Variants in C22orf15 observed in about 807,000 individuals in gnomAD.
C22orf15 encodes uncharacterized protein C22orf15.
C22orf15 carries 21 observed loss-of-function variants against 20.3 expected under a neutral mutation model. The observed-to-expected ratio is 1.04, with a 90% CI of 0.74 to 1.49. C22orf15 has a LOEUF of 1.49. Among genes scored for constraint, C22orf15 ranks in the 40% most tolerant of loss-of-function variants. The pLI is 0.00. For missense variants in C22orf15, 170 were observed against 191.1 expected, an observed-to-expected ratio of 0.89 and a Z score of 0.65; for synonymous variants, 78 against 75.4, an observed-to-expected ratio of 1.03 and a Z score of -0.18.
In C22orf15 at chr22:23,764,300, C is replaced by T; in HGVS notation, c.153C>T (p.Ser51=). The T allele has an allele frequency of 6.4e-7, 1 of 1,551,636 alleles. No homozygotes were observed. Among genetic ancestry groups the T allele is most frequent in the Non-Finnish European group, 8.7e-7 (1 of 1,146,964 alleles). The change falls in exon 3 of 6, where the codon AGC becomes AGT. Residue 51 remains serine (S), a synonymous_variant. Coordinates refer to ENST00000402217, the MANE Select transcript of C22orf15 (RefSeq NM_182520.3). ...ALLAEDGNLV[S]LEEDLKEGAS... ...TGGCTGAGGATGGCAACCTAGTGAG[C>T]CTGGAGGAGGACCTGAAGGAAGGGG...
At chr22:23,765,675 G>A (rs760605321) in intron 5 of C22orf15, 46 bp from the exon 6 acceptor site, 2 of 1,536,686 alleles carry the variant, frequency 1.3e-6, no homozygotes, top group Admixed American at 2.0e-5. Flanking sequence ...TCTGTCCTGT[G>A]CTACCCACAG....
chr22:23,765,583 C>G (rs1044063170), intron 5 of C22orf15, 138 bp from the exon 6 acceptor site: 16 of 1,519,448 alleles, frequency 1.1e-5, no homozygotes, highest in Non-Finnish European at 1.4e-5. Context: ...ATGGGTTCAT[C>G]CTGGGATTCC....
At chr22:23,764,013 G>C (rs1334494083) in intron 1 of C22orf15, 74 bp from the exon 2 acceptor site, 22 of 1,406,384 alleles carry the variant, frequency 1.6e-5, no homozygotes, top group Non-Finnish European at 2.2e-5. Flanking sequence ...GGAGAGATGG[G>C]AGGGAGAGAC....
chr22:23,765,627 C>T, intron 5 of C22orf15, 94 bp from the exon 6 acceptor site: 2 of 1,512,100 alleles, frequency 1.3e-6, no homozygotes, highest in Non-Finnish European at 1.8e-6. Context: ...GGATCACCGA[C>T]TAATGCCTCT....
At position 23,763,305 on chromosome 22, in the gene C22orf15, C is replaced by T; in HGVS notation, c.-2C>T. The T allele has an allele frequency of 6.5e-7, 1 of 1,550,226 alleles. No individual in the cohort carries two copies. On this transcript the variant is annotated 5_prime_UTR_variant, in exon 1 of 6. Coordinates refer to ENST00000402217, the MANE Select transcript of C22orf15 (RefSeq NM_182520.3). ...CCCACATCTCCCTCACCCGCTGCAG[C>T]TATGTTTATCAAGGTGATGTTTGGG...
chr22:23,764,831 C>A lies in C22orf15; in HGVS notation c.364C>A (p.His122Asn), dbSNP rs1926476073. ...GCTGTCAGGCCTCTCCTCTGTGGGCCACAACTGGAGGAAGCGTATGGGCAC... is the reference window on the plus strand; with the variant it reads ...GCTGTCAGGCCTCTCCTCTGTGGGCAACAACTGGAGGAAGCGTATGGGCAC... ...RRLSGLSSVGHNWRKRMGTRR... is the reference protein window; with the variant it reads ...RRLSGLSSVGNNWRKRMGTRR... Residue 122 changes from histidine (H) to asparagine (N), a missense_variant, in exon 5 of 6, where the codon CAC becomes AAC. His to Asn is a moderately conservative substitution (Grantham distance 68). Coordinates refer to ENST00000402217, the MANE Select transcript of C22orf15 (RefSeq NM_182520.3). The A allele has an allele frequency of 1.9e-6, 3 of 1,613,876 alleles. No homozygotes were observed. In the African/African-American group the frequency reaches 4.0e-5, roughly 22 times the overall value.
chr22:23,763,571 A>G (rs540420793), intron 1 of C22orf15, among the ~76,000 whole-genome samples: 3 of 152,330 alleles, frequency 2.0e-5, no homozygotes, highest in Admixed American at 6.5e-5. Flanking sequence ...TCGGCCAGAG[A>G]CCGCCGCATT....
intron 5 of C22orf15, 158 bp downstream of exon 5, chr22:23,765,060 A>G: frequency 1.4e-6 from 2 of 1,467,438 alleles, no homozygotes; most frequent in Non-Finnish European, 1.8e-6. Flanking sequence ...ACGCACATAT[A>G]CCCCCAGATG....
chr22:23,765,807 G>A lies in C22orf15; in HGVS notation c.*75G>A. On this transcript the variant is annotated 3_prime_UTR_variant, in exon 6 of 6. Coordinates refer to ENST00000402217, the MANE Select transcript of C22orf15 (RefSeq NM_182520.3). ...TCAGCCAGGGAGCTCCCTGAAGACA[G>A]GCCATCGAGAGAGGCACACAACAGG... 6.5e-7 allele frequency: 1 copy of A among 1,538,680 alleles called. No individual in the cohort carries two copies. Among genetic ancestry groups the A allele is most frequent in the Non-Finnish European group, 8.8e-7 (1 of 1,138,094 alleles).
At chr22:23,764,017 G>C (rs1926182160) in intron 1 of C22orf15, 70 bp from the exon 2 acceptor site, 8 of 1,437,704 alleles carry the variant, frequency 5.6e-6, no homozygotes, top group Middle Eastern at 2.4e-4. Flanking sequence ...AGATGGGAGG[G>C]AGAGACAGAG....
intron 1 of C22orf15, among the ~76,000 whole-genome samples, chr22:23,763,660 A>C (rs866456155): frequency 2.4e-4 from 36 of 152,310 alleles, no homozygotes; most frequent in Middle Eastern, 3.4e-3. Context: ...TGCATCAGAC[A>C]CCTGAAACTC....
At position 23,763,136 on chromosome 22, in the gene C22orf15, A is replaced by G. The variant is rs1925984041; in HGVS notation, c.-171A>G. ...CTAGGCTGAAGCAGCAGAACCACAG[A>G]GGTGGCTGAGCAGGGGCCTGGCCCT... On this transcript the variant is annotated 5_prime_UTR_variant, in exon 1 of 6. Transcript: ENST00000402217. 1 of 807,506 alleles carries G rather than the reference A, an allele frequency of 1.2e-6. No homozygotes were observed. The highest frequency in any genetic ancestry group is 1.8e-5 in the African/African-American group (1 of 56,602). The allele number at this position is 807,506 out of a possible 1,614,324, so 50.0% of individuals were successfully genotyped here. A position where few individuals can be genotyped will look rare whatever the true frequency, so the allele number is the denominator to read the frequency against.
chr22:23,763,020 C>T lies in C22orf15; in HGVS notation c.-287C>T, dbSNP rs1269629001. The T allele has an allele frequency of 2.1e-6, 1 of 477,818 alleles. No homozygotes were observed. The highest frequency in any genetic ancestry group is 3.7e-6 in the Non-Finnish European group (1 of 273,364). 29.6% of individuals were successfully genotyped at this position (477,818 alleles called of 1,614,324 possible). ...TCTCCGCCCCCACTGCCATGGAGACCAGCTTGGAAGCTTAGGGGAGCTGCT... is the reference window on the plus strand; with the variant it reads ...TCTCCGCCCCCACTGCCATGGAGACTAGCTTGGAAGCTTAGGGGAGCTGCT... On this transcript the variant is annotated 5_prime_UTR_variant, in exon 1 of 6. Transcript: ENST00000402217.
Position 23,764,357 on chromosome 22 carries a change from A to T in C22orf15, c.210A>T (p.Leu70=), listed in dbSNP as rs114546436. 2,564 of 1,551,884 alleles carry T rather than the reference A, an allele frequency of 1.7e-3. 24 individuals are homozygous for T. The African/African-American group carries it at 0.026, about 15-fold the overall frequency. The change falls in exon 3 of 6, where the codon CTA becomes CTT. Residue 70 remains leucine, a synonymous_variant. Coordinates refer to ENST00000402217, the MANE Select transcript of C22orf15 (RefSeq NM_182520.3). ...GGGCCCAGACCATGGGCAACTCCCT[A>T]CTGAAGGAGCGAGCCATATATGTCC... ...ASRAQTMGNS[L]LKERAIYVLV... is the part of the protein sequence containing the mutation.
At chr22:23,763,992 C>T (rs1280751311) in intron 1 of C22orf15, 95 bp from the exon 2 acceptor site, 5 of 1,244,792 alleles carry the variant, frequency 4.0e-6, no homozygotes, top group African/African-American at 1.5e-5. Flanking sequence ...CCAGTCGCAG[C>T]TCTGGGAAAG....
rs1601339338 is a variant in C22orf15 at position 23,763,855 on chromosome 22, A to G, written c.26-232A>G. Among the ~76,000 whole-genome samples the G allele has an allele frequency of 2.0e-5, 3 of 152,310 alleles. No individual in the cohort carries two copies. In the South Asian group the frequency reaches 6.2e-4, roughly 32 times the overall value. The stretch of plus-strand genomic sequence containing the variant: ...GCTTTGCAGGACTCAAGAGACCAAC[A>G]CTTGGGAGTCACCACACATGGGAGA... On this transcript the variant is annotated intron_variant, in intron 1 of 5. Transcript: ENST00000402217.
chr22:23,765,590 T>G, intron 5 of C22orf15, 131 bp from the exon 6 acceptor site: 1 of 1,517,750 alleles, frequency 6.6e-7, no homozygotes, highest in African/African-American at 1.4e-5. Context: ...CATCCTGGGA[T>G]TCCACCCTCA....
At chr22:23,763,987 C>T (rs1390541136) in intron 1 of C22orf15, 100 bp from the exon 2 acceptor site, 81 of 1,177,554 alleles carry the variant, frequency 6.9e-5, no homozygotes, top group Middle Eastern at 5.5e-4. Context: ...TAGGCCCAGT[C>T]GCAGCTCTGG....
chr22:23,764,588 G>A, intron 3 of C22orf15, 51 bp from the exon 4 acceptor site: 3 of 1,595,402 alleles, frequency 1.9e-6, no homozygotes, highest in African/African-American at 2.7e-5. Flanking sequence ...AGGCAGAGTA[G>A]GGACCATTAG....
Sources: allele counts gnomAD v4.1 joint callset (sites outside exome capture counted in the v4.1 genomes callset), GRCh38; gene constraint gnomAD v4.1.1; transcripts MANE v1.5; gene names NCBI Gene and HGNC (gene_info 2026-07-23, HGNC 2026-07-21).